ARHGEF25: variants seen among roughly 807,000 people sequenced by gnomAD.
The protein encoded by ARHGEF25 is Rho guanine nucleotide exchange factor 25.
A neutral mutation model predicts 74.0 loss-of-function variants in ARHGEF25; 42 were observed. The ratio of observed to expected loss-of-function variants is 0.57; its 90% CI spans 0.44 to 0.73. ARHGEF25 has a LOEUF of 0.73. ARHGEF25 is among the 30% of genes least tolerant of loss of function. The pLI, the probability that ARHGEF25 is intolerant of heterozygous loss-of-function variation, is 0.00. For missense variants in ARHGEF25, 645 were observed against 725.5 expected, an observed-to-expected ratio of 0.89 and a Z score of 1.27; for synonymous variants, 293 against 278.6, an observed-to-expected ratio of 1.05 and a Z score of -0.51.
chr12:57,613,129 G>A lies in ARHGEF25; in HGVS notation c.297G>A (p.Gln99=). 1.2e-6 allele frequency: 2 copies of A among 1,613,130 alleles called. No individual in the cohort carries two copies. The highest frequency in any genetic ancestry group is 1.7e-6 in the Non-Finnish European group (2 of 1,179,262). Residue 99 remains glutamine (Q), a synonymous_variant, in exon 2 of 15, where the codon CAG becomes CAA. Transcript: ENST00000286494. ...LSVETEADSG[Q]AGPYENWMLE... is the part of the protein sequence containing the mutation. ...TGGAAACTGAGGCAGACAGTGGTCA[G>A]GCAGGACCATATGAGGTGAGCAGGG...
chr12:57,611,822 G>GA lies in ARHGEF25; in HGVS notation c.-73_-72insA. 1 of 1,180,166 alleles carries GA rather than the reference G, an allele frequency of 8.5e-7. No individual in the cohort carries two copies. Among genetic ancestry groups the GA allele is most frequent in the Non-Finnish European group, 1.1e-6 (1 of 939,414 alleles). 73.1% of individuals were successfully genotyped at this position (1,180,166 alleles called of 1,614,324 possible). On this transcript the variant is annotated 5_prime_UTR_variant, in exon 1 of 15. Transcript: ENST00000286494. The surrounding 1 kb of genome is among the most constrained non-coding windows in gnomAD (Gnocchi z 4.5). ...GGAGGGGGGGTGTGCGCCCGGCGCC[G>GA]TCCCCGCCCCGCCCCCCGTGATTCC...
chr12:57,615,747 A>G, intron 12 of ARHGEF25, 35 bp downstream of exon 12: 4 of 1,613,860 alleles, frequency 2.5e-6, no homozygotes, highest in East Asian at 2.2e-5. Context: ...GCTTGGAGAG[A>G]GAGAGGGCAT....
rs151266618 is a variant in ARHGEF25, at chr12:57,615,703, C to T, written c.1230C>T (p.Asn410=). Residue 410 remains asparagine (N), a synonymous_variant, in exon 12 of 15, where the codon AAC becomes AAT. Coordinates refer to ENST00000286494, the MANE Select transcript of ARHGEF25 (RefSeq NM_182947.4). ...GGTQPGYVYK[N]SIKVSCLGLE... The stretch of plus-strand genomic sequence containing the variant: ...CACAGCCTGGATATGTATACAAGAA[C>T]AGCATTAAGGTGGGGAGAAGGCCAC... The T allele has an allele frequency of 1.2e-6, 2 of 1,614,082 alleles. No individual in the cohort carries two copies. Among genetic ancestry groups the T allele is most frequent in the Non-Finnish European group, 1.7e-6 (2 of 1,180,030 alleles).
rs773245828 is a variant in ARHGEF25 at position 57,616,379 on chromosome 12, C to T, written c.1516C>T (p.Gln506Ter). ...TGGAGTGGGGAGCCCTGGAAGAATT[C>T]AGCTTGGAGATCAGGCCCAGGGCAG... ...GPGVGSPGRI[Q>*]LGDQAQGSTH... Residue 506 changes from glutamine to a stop codon, truncating the protein, a stop_gained, in exon 14 of 15, where the codon CAG becomes TAG. Transcript: ENST00000286494. LOFTEE classifies it high-confidence loss of function. 22 of 1,613,992 alleles carry T rather than the reference C, an allele frequency of 1.4e-5. No homozygotes were observed. The highest frequency in any genetic ancestry group is 1.6e-4 in the Middle Eastern group (1 of 6,084).
rs202098341 is a variant in ARHGEF25, at chr12:57,616,849, T to A, written c.1698T>A (p.Pro566=). 6.2e-7 allele frequency: 1 copy of A among 1,612,904 alleles called. No individual in the cohort carries two copies. The highest frequency in any genetic ancestry group is 2.2e-5 in the East Asian group (1 of 44,822). The part of the protein sequence containing the change: ...SPPVSPTPKT[P]PCQARLAKLD... ...CAGTCTCTCCAACTCCAAAAACCCC[T>A]CCCTGCCAAGCCAGACTTGCCAAGC... is the stretch of plus-strand genomic sequence containing the variant. Residue 566 remains proline (P), a synonymous_variant, in exon 15 of 15, where the codon CCT becomes CCA. Transcript: ENST00000286494.
rs755574255 is a variant in ARHGEF25, at chr12:57,615,270, C to G, written c.994C>G (p.Arg332Gly). 4 of 1,608,662 alleles carry G rather than the reference C, an allele frequency of 2.5e-6. No individual in the cohort carries two copies. Among genetic ancestry groups the G allele is most frequent in the Non-Finnish European group, 3.4e-6 (4 of 1,177,570 alleles). ...AVEVMCFVPK[R>G]CNDMMTLGRL... The stretch of plus-strand genomic sequence containing the variant: ...GGAGGTCATGTGCTTTGTGCCCAAG[C>G]GCTGCAACGATATGATGACGCTGGG... The change falls in exon 11 of 15, where the codon CGC becomes GGC. Residue 332 changes from arginine (R) to glycine (G), a missense_variant. Physicochemically the swap from Arg to Gly is moderately radical, Grantham distance 125 (BLOSUM62 -2). Transcript: ENST00000286494.
Position 57,616,442 on chromosome 12 carries a change from C to G in ARHGEF25, c.1579C>G (p.Leu527Val). 6.2e-7 allele frequency: 1 copy of G among 1,614,206 alleles called. No individual in the cohort carries two copies. Among genetic ancestry groups the G allele is most frequent in the East Asian group, 2.2e-5 (1 of 44,880 alleles). The change falls in exon 14 of 15, where the codon CTG becomes GTG. Residue 527 changes from leucine to valine, a missense_variant. Coordinates refer to ENST00000286494, the MANE Select transcript of ARHGEF25 (RefSeq NM_182947.4). Reference sequence around the variant, plus strand: ...CATCAATGGCTCTCTCCCCTCTCTGCTGCTGTCACCCAAAGGGGAGGTGGC... The same window carrying G: ...CATCAATGGCTCTCTCCCCTCTCTGGTGCTGTCACCCAAAGGGGAGGTGGC... ...TPINGSLPSL[L>V]LSPKGEVARA...
upstream of ARHGEF25, chr12:57,610,563 C>T: frequency 1.2e-6 from 2 of 1,605,126 alleles, no homozygotes; most frequent in Non-Finnish European, 1.7e-6. Flanking sequence ...TGGTTCTGTC[C>T]CCGCAGCCCC....
chr12:57,614,443 G>A lies in ARHGEF25; in HGVS notation c.726+43G>A. 6.2e-7 allele frequency: 1 copy of A among 1,613,972 alleles called. No individual in the cohort carries two copies. The highest frequency in any genetic ancestry group is 1.1e-5 in the South Asian group (1 of 91,076). The stretch of plus-strand genomic sequence containing the variant: ...AGGGCCTGGGGCGGGGCTTAGGAAT[G>A]GGCTGGGATTCTCTGGAGATGCGTC... On this transcript the variant is annotated intron_variant, in intron 7 of 14. Transcript: ENST00000286494. This position sits in a 1 kb window ranked among gnomAD's most constrained non-coding sequence, Gnocchi z 4.6.
intron 1 of ARHGEF25, 72 bp from the exon 2 acceptor site, chr12:57,612,858 G>A: frequency 6.4e-7 from 1 of 1,557,762 alleles, no homozygotes; most frequent in Middle Eastern, 1.7e-4. Flanking sequence ...GAAGACCCTG[G>A]GAGTTCCCTG....
rs1884325554 is a variant in ARHGEF25, at chr12:57,616,952, G to C, written c.*58G>C. 1.5e-6 allele frequency: 2 copies of C among 1,368,510 alleles called. No homozygotes were observed. Among genetic ancestry groups the C allele is most frequent in the East Asian group, 2.3e-5 (1 of 43,748 alleles). 84.8% of individuals were successfully genotyped at this position (1,368,510 alleles called of 1,614,324 possible). ...GCCGCCTATTCCCCAAGGAGCTTCA[G>C]GGCAGTCCTTCTGGCACTGCTCCAG... On this transcript the variant is annotated 3_prime_UTR_variant, in exon 15 of 15. Coordinates refer to ENST00000286494, the MANE Select transcript of ARHGEF25 (RefSeq NM_182947.4).
chr12:57,612,766 G>T (rs902316216), intron 1 of ARHGEF25, 164 bp from the exon 2 acceptor site: 3 of 1,481,888 alleles, frequency 2.0e-6, no homozygotes, highest in African/African-American at 2.8e-5. Flanking sequence ...GGGTGCCCTG[G>T]TGAAATTTTC....
rs1300705720 is a variant in ARHGEF25 at position 57,613,773 on chromosome 12, A to C, written c.552+13A>C. The C allele has an allele frequency of 1.2e-6, 2 of 1,612,550 alleles. No individual in the cohort carries two copies. The highest frequency in any genetic ancestry group is 2.2e-5 in the East Asian group (1 of 44,842). ...GCAGATTGTGGAGGTAGCTCCCTTT[A>C]CCCCTTCCCAGCCCCTCCTGCCTGC... On this transcript the variant is annotated intron_variant, in intron 5 of 14. Transcript: ENST00000286494.
upstream of ARHGEF25, chr12:57,610,738 G>C: frequency 6.9e-7 from 1 of 1,454,628 alleles, no homozygotes; most frequent in South Asian, 1.3e-5. Context: ...GCCAAGTGGC[G>C]AATTCAAAAA....
In ARHGEF25 at chr12:57,616,175, A is replaced by G. The variant is rs1157435596; in HGVS notation, c.1421-109A>G. The G allele has an allele frequency of 2.7e-6, 4 of 1,458,730 alleles. No individual in the cohort carries two copies. The African/African-American group carries it at 4.2e-5, about 15-fold the overall frequency. 90.4% of individuals were successfully genotyped at this position (1,458,730 alleles called of 1,614,324 possible). A position where few individuals can be genotyped will look rare whatever the true frequency, so the allele number is the denominator to read the frequency against. On this transcript the variant is annotated intron_variant, in intron 13 of 14. Transcript: ENST00000286494. ...ATAGAATCCCCTAAAGCCCTAAGCA[A>G]TTGACATTGGCTGACAGGGAGGGAG... is the stretch of plus-strand genomic sequence containing the variant.
chr12:57,612,032 C>T lies in ARHGEF25; in HGVS notation c.97+41C>T, dbSNP rs371536790. On this transcript the variant is annotated intron_variant, in intron 1 of 14. Transcript: ENST00000286494. ...AGAGGGTCCAGTGTTGAGTGGGGGG[C>T]GGGCTGGGGGTTCAGGGCATCTGTT... 5.4e-6 allele frequency: 6 copies of T among 1,118,414 alleles called. No homozygotes were observed. The East Asian group carries it at 8.8e-5, about 16-fold the overall frequency. The allele number at this position is 1,118,414 out of a possible 1,614,324, so 69.3% of individuals were successfully genotyped here.
In ARHGEF25 at chr12:57,615,255, T is replaced by G. The variant is rs780721321; in HGVS notation, c.979T>G (p.Cys327Gly). ...GTCCCAGCAAGCTGTGGAGGTCATG[T>G]GCTTTGTGCCCAAGCGCTGCAACGA... ...ADLEQAVEVM[C>G]FVPKRCNDMM... The change falls in exon 11 of 15, where the codon TGC becomes GGC. Residue 327 changes from cysteine to glycine, a missense_variant. Coordinates refer to ENST00000286494, the MANE Select transcript of ARHGEF25 (RefSeq NM_182947.4). 1 of 1,605,914 alleles carries G rather than the reference T, an allele frequency of 6.2e-7. No individual in the cohort carries two copies. The highest frequency in any genetic ancestry group is 8.5e-7 in the Non-Finnish European group (1 of 1,176,312).
In ARHGEF25 at chr12:57,617,077, AAC is replaced by A; in HGVS notation, c.*187_*188del. On this transcript the variant is annotated 3_prime_UTR_variant, in exon 15 of 15. Transcript: ENST00000286494. Reference sequence around the variant, plus strand: ...CCCAAGGACTTTTTTCTGCCCAAGGAACACAGTTTCCTTCAGCTCCCATCCCT... The same window carrying A: ...CCCAAGGACTTTTTTCTGCCCAAGGAACAGTTTCCTTCAGCTCCCATCCCT... The A allele has an allele frequency of 3.3e-6, 1 of 307,560 alleles. No individual in the cohort carries two copies. Among genetic ancestry groups the A allele is most frequent in the South Asian group, 4.5e-5 (1 of 22,458 alleles). 19.1% of individuals were successfully genotyped at this position (307,560 alleles called of 1,614,324 possible). A position where few individuals can be genotyped will look rare whatever the true frequency, so the allele number is the denominator to read the frequency against.
At position 57,614,638 on chromosome 12, in the gene ARHGEF25, G is replaced by A; in HGVS notation, c.816+33G>A. On this transcript the variant is annotated intron_variant, in intron 8 of 14. Transcript: ENST00000286494. The surrounding 1 kb of genome is among the most constrained non-coding windows in gnomAD (Gnocchi z 4.6). ...GCTGAGATGTCTTGGTGGGAAGGAG[G>A]ACAGAACTGGGGCTTTCCAGGCTGC... 1.9e-6 allele frequency: 3 copies of A among 1,613,942 alleles called. No homozygotes were observed. The highest frequency in any genetic ancestry group is 2.5e-6 in the Non-Finnish European group (3 of 1,179,956).
Sources: gnomAD v4.1 joint callset for allele counts on GRCh38, gnomAD v4.1.1 for gene constraint, Gnocchi (gnomAD v3.1) non-coding constraint, MANE v1.5 for transcripts, NCBI Gene and HGNC (gene_info 2026-07-23, HGNC 2026-07-21) for gene names.